The following TBCK variants were observed in gnomAD, a reference collection of about 807,000 sequenced individuals.
The protein encoded by TBCK is TBC domain-containing protein kinase-like protein.
Under a neutral mutation model 113.4 loss-of-function variants are expected in TBCK, and 99 were observed. The observed-to-expected ratio is 0.87, with a 90% CI of 0.74 to 1.03. The LOEUF (loss-of-function observed/expected upper bound fraction) is 1.03, where lower values mean the gene tolerates loss of function less well. Among genes scored for constraint, TBCK ranks in the 50% least tolerant of loss-of-function variants. The pLI is 0.00. For synonymous variants in TBCK, 369 were observed against 370.8 expected (o/e 1.00, Z 0.05); for missense variants, 1,045 against 1,061.3 (o/e 0.98, Z 0.21).
chr4:106,258,090 A>G (rs930715154), intron 5 of TBCK, among the ~76,000 whole-genome samples: 1 of 152,104 alleles, frequency 6.6e-6, no homozygotes, highest in Non-Finnish European at 1.5e-5. Flanking sequence ...TAATCACAGG[A>G]AAATTATTAA....
At chr4:106,278,860 T>C (rs1246009674) in intron 3 of TBCK, among the ~76,000 whole-genome samples, 1 of 151,912 alleles carries the variant, frequency 6.6e-6, no homozygotes, top group Admixed American at 6.6e-5. Flanking sequence ...GTAAACTCTA[T>C]TGCAATAACC....
intron 25 of TBCK, among the ~76,000 whole-genome samples, chr4:106,054,227 C>T (rs1232827911): frequency 6.6e-6 from 1 of 151,728 alleles, no homozygotes; most frequent in Non-Finnish European, 1.5e-5. Context: ...TCCCCATCAT[C>T]TACCTCTCTA....
chr4:106,285,426 C>T (rs1438150069), intron 3 of TBCK, among the ~76,000 whole-genome samples: 1 of 152,000 alleles, frequency 6.6e-6, no homozygotes, highest in African/African-American at 2.4e-5. Flanking sequence ...CAAATTACTA[C>T]TATGACATTT....
chr4:106,207,494 A>G (rs1305274672), intron 20 of TBCK, among the ~76,000 whole-genome samples: 1 of 152,144 alleles, frequency 6.6e-6, no homozygotes, highest in African/African-American at 2.4e-5. Context: ...TAAAGGTAGA[A>G]CATTAAAGAC....
At chr4:106,163,761 C>T (rs1750061668) in intron 23 of TBCK, 1 of 152,068 alleles carries the variant, frequency 6.6e-6, no homozygotes, top group Non-Finnish European at 1.5e-5. Flanking sequence ...ATTACTCCAC[C>T]TGGTCCTGTC....
At chr4:106,251,516 T>C (rs1391909294) in intron 6 of TBCK, among the ~76,000 whole-genome samples, 1 of 152,000 alleles carries the variant, frequency 6.6e-6, no homozygotes, top group African/African-American at 2.4e-5. Context: ...ATCAATCTTC[T>C]AAAAACGTAG....
At chr4:106,107,529 G>A (rs748954131) in intron 24 of TBCK, among the ~76,000 whole-genome samples, 4 of 152,088 alleles carry the variant, frequency 2.6e-5, no homozygotes, top group African/African-American at 4.8e-5. Context: ...ACATGCTCCC[G>A]ATTGACTTTT....
intron 2 of TBCK, among the ~76,000 whole-genome samples, chr4:106,300,273 T>C (rs953712639): frequency 6.6e-6 from 1 of 152,180 alleles, no homozygotes; most frequent in Non-Finnish European, 1.5e-5. Flanking sequence ...TATGTCTTTA[T>C]CAGCAGTGTG....
At chr4:106,316,542 A>G (rs758325174), upstream of TBCK, 6 of 1,551,514 alleles carry the variant, frequency 3.9e-6, no homozygotes, top group Non-Finnish European at 5.2e-6. Flanking sequence ...GGGTGGCTGG[A>G]CCTACATGCT....
chr4:106,177,265 C>T (rs1347700446), intron 22 of TBCK, among the ~76,000 whole-genome samples: 2 of 151,860 alleles, frequency 1.3e-5, no homozygotes, highest in Non-Finnish European at 2.9e-5. Flanking sequence ...GAAGAGTTTG[C>T]ACATTTCCTC....
intron 23 of TBCK, among the ~76,000 whole-genome samples, chr4:106,127,319 C>G (rs1024316664): frequency 1.3e-4 from 20 of 150,098 alleles, no homozygotes; most frequent in African/African-American, 4.7e-4. Context: ...ATAAATATAT[C>G]AACGAAGAGA....
chr4:106,253,551 A>G (rs1378694429), intron 5 of TBCK, among the ~76,000 whole-genome samples: 1 of 152,176 alleles, frequency 6.6e-6, no homozygotes, highest in Non-Finnish European at 1.5e-5. Flanking sequence ...GAGTTATACC[A>G]ATCTATACAC....
chr4:106,077,658 A>C (rs1161091945), intron 25 of TBCK, among the ~76,000 whole-genome samples: 1 of 152,186 alleles, frequency 6.6e-6, no homozygotes, highest in Non-Finnish European at 1.5e-5. Flanking sequence ...CCAGATCCAT[A>C]AAAAAGGTTC....
chr4:106,176,116 A>G (rs1751637345), intron 22 of TBCK, among the ~76,000 whole-genome samples: 1 of 152,166 alleles, frequency 6.6e-6, no homozygotes, highest in African/African-American at 2.4e-5. Flanking sequence ...TACAATGTGT[A>G]ATGATCAAAA....
chr4:106,209,431 T>G (rs1176424391), intron 20 of TBCK, among the ~76,000 whole-genome samples: 1 of 152,186 alleles, frequency 6.6e-6, no homozygotes, highest in Non-Finnish European at 1.5e-5. Context: ...CTCCTGAATT[T>G]CAATCCTCTC....
At chr4:106,046,763 C>A in intron 25 of TBCK, 83 bp from the exon 26 acceptor site, 1 of 656,772 alleles carries the variant, frequency 1.5e-6, no homozygotes. Flanking sequence ...ATTTGAAAGA[C>A]AAAATTAATT....
chr4:106,247,693 C>G (rs926944050), intron 9 of TBCK: 1 of 158,026 alleles, frequency 6.3e-6, no homozygotes, highest in African/African-American at 2.4e-5. Flanking sequence ...CTATTTCTCT[C>G]TAACATGTCT....
intron 25 of TBCK, among the ~76,000 whole-genome samples, chr4:106,064,131 C>G (rs1462063428): frequency 6.6e-6 from 1 of 151,900 alleles, no homozygotes; most frequent in African/African-American, 2.4e-5. Context: ...ATCAAATATA[C>G]TAGGGCTACA....
chr4:106,308,754 A>C lies in TBCK; in HGVS notation c.193+14T>G. 1 of 1,597,626 alleles carries C rather than the reference A, an allele frequency of 6.3e-7. No individual in the cohort carries two copies. Among genetic ancestry groups the C allele is most frequent in the Middle Eastern group, 1.7e-4 (1 of 5,938 alleles). ...GTAGAGAACATAAATAGGAAAAAAAAGAAAATAACTTACCATGCTTTCCCC... is the reference window on the plus strand; with the variant it reads ...GTAGAGAACATAAATAGGAAAAAAACGAAAATAACTTACCATGCTTTCCCC... On this transcript the variant is annotated intron_variant, in intron 2 of 25. Transcript: ENST00000394708.
Sources: allele counts gnomAD v4.1 joint callset (sites outside exome capture counted in the v4.1 genomes callset), GRCh38; gene constraint gnomAD v4.1.1; transcripts MANE v1.5; gene names NCBI Gene and HGNC (gene_info 2026-07-23, HGNC 2026-07-21).